The following LRSAM1 variants were observed in gnomAD, a reference collection of about 807,000 sequenced individuals.
LRSAM1 encodes the protein leucine rich repeat and sterile alpha motif containing 1, also known as E3 ubiquitin-protein ligase LRSAM1.
A neutral mutation model predicts 118.1 loss-of-function variants in LRSAM1; 96 were observed. The ratio of observed to expected loss-of-function variants is 0.81; its 90% CI spans 0.69 to 0.96. The LOEUF (loss-of-function observed/expected upper bound fraction) is 0.96, where lower values mean the gene tolerates loss of function less well. Ranked by LOEUF, LRSAM1 falls within the 40% of genes least tolerant of loss-of-function variation. The pLI, the probability that LRSAM1 is intolerant of heterozygous loss-of-function variation, is 0.00. For missense variants in LRSAM1, 804 were observed against 915.5 expected (o/e 0.88, Z 1.57); for synonymous variants, 322 against 364.2 (o/e 0.88, Z 1.32).
rs1305599242 is a variant in LRSAM1 at position 127,489,441 on chromosome 9, C to T, written c.1348-3C>T. 6.2e-7 allele frequency: 1 copy of T among 1,605,372 alleles called. No individual in the cohort carries two copies. Among genetic ancestry groups the T allele is most frequent in the African/African-American group, 1.3e-5 (1 of 74,882 alleles). On this transcript the variant is annotated splice_polypyrimidine_tract_variant and splice_region_variant and intron_variant, in intron 18 of 25. Coordinates refer to ENST00000300417, the MANE Select transcript of LRSAM1 (RefSeq NM_001005373.4). ...TGCTGAGGGCTGGTGGTCTGTGTTG[C>T]AGAGCGCGATGCAGAAGGCTGCGTT...
At chr9:127,489,550 C>G (rs756557269) in intron 19 of LRSAM1, 32 bp downstream of exon 19, 2 of 1,581,190 alleles carry the variant, frequency 1.3e-6, no homozygotes, top group Admixed American at 3.7e-5. Context: ...CCTGGACCTG[C>G]TCTCTCAGAG....
At chr9:127,481,805 C>T (rs1409082647) in intron 15 of LRSAM1, among the ~76,000 whole-genome samples, 2 of 151,934 alleles carry the variant, frequency 1.3e-5, no homozygotes, top group Non-Finnish European at 2.9e-5. Context: ...TCTGTAATCC[C>T]AGCACTTTGG....
At chr9:127,451,763 C>T (rs947063392) in intron 1 of LRSAM1, 94 bp downstream of exon 1, 4 of 186,910 alleles carry the variant, frequency 2.1e-5, no homozygotes, top group Non-Finnish European at 4.5e-5. Context: ...AGTACCGCGG[C>T]GACCCCTGCT....
At chr9:127,487,622 G>T in intron 17 of LRSAM1, 54 bp from the exon 18 acceptor site, 1 of 1,527,944 alleles carries the variant, frequency 6.5e-7, no homozygotes, top group South Asian at 1.1e-5. Context: ...CTGGCACATA[G>T]TAGGTGCTCG....
intron 24 of LRSAM1, among the ~76,000 whole-genome samples, chr9:127,499,385 A>AAATT (rs1281370384): frequency 1.3e-5 from 2 of 151,800 alleles, no homozygotes; most frequent in African/African-American, 4.8e-5. Context: ...CAAAACAAAA[A>AAATT]AATTAAAAAA....
intron 23 of LRSAM1, among the ~76,000 whole-genome samples, chr9:127,496,631 A>C (rs138447448): frequency 1.3e-5 from 2 of 152,298 alleles, no homozygotes; most frequent in East Asian, 3.9e-4. Context: ...ACATATCATT[A>C]TCATCATCTT....
chr9:127,502,993 GAGGCTCCC>G lies in LRSAM1; in HGVS notation c.*95_*102del. The G allele has an allele frequency of 6.6e-7, 1 of 1,510,164 alleles. No homozygotes were observed. The highest frequency in any genetic ancestry group is 8.9e-7 in the Non-Finnish European group (1 of 1,119,080). 93.5% of individuals were successfully genotyped at this position (1,510,164 alleles called of 1,614,324 possible). On this transcript the variant is annotated 3_prime_UTR_variant, in exon 26 of 26. Transcript: ENST00000300417. Reference sequence around the variant, plus strand: ...AGCCTTGTGCCAGCCAGACTCGTATGAGGCTCCCCCCTGCCCTGGGCCCCTTCCCCACT... The same window carrying G: ...AGCCTTGTGCCAGCCAGACTCGTATGCCCTGCCCTGGGCCCCTTCCCCACT...
chr9:127,466,504 A>ATATATATATATATAT (rs1554755061), intron 9 of LRSAM1, among the ~76,000 whole-genome samples: 8 of 24,530 alleles, frequency 3.3e-4, no homozygotes, highest in African/African-American at 4.6e-4. Context: ...ATATATATAT[A>ATATATATATATATAT]TTTTTTTTTT....
At chr9:127,473,728 A>C (rs1223275421) in intron 10 of LRSAM1, 73 bp from the exon 11 acceptor site, 7 of 1,608,780 alleles carry the variant, frequency 4.4e-6, no homozygotes, top group Non-Finnish European at 6.0e-6. Flanking sequence ...CTGCCCTGGC[A>C]GTGGGAGCGG....
chr9:127,501,195 C>T, intron 25 of LRSAM1, 52 bp downstream of exon 25: 1 of 1,599,794 alleles, frequency 6.3e-7, no homozygotes, highest in Non-Finnish European at 8.5e-7. Flanking sequence ...CCACCCTCCT[C>T]AAATTCTGCA....
intron 2 of LRSAM1, chr9:127,453,664 G>C (rs1834404756): frequency 6.6e-6 from 1 of 152,322 alleles, no homozygotes; most frequent in South Asian, 2.1e-4. Flanking sequence ...CCCTAGAACA[G>C]GAAAAGGATA....
At position 127,487,773 on chromosome 9, in the gene LRSAM1, C is replaced by T. The variant is rs772922921; in HGVS notation, c.1347+10C>T. The T allele has an allele frequency of 4.3e-6, 7 of 1,609,864 alleles. No homozygotes were observed. The highest frequency in any genetic ancestry group is 2.7e-5 in the African/African-American group (2 of 74,828). ...CCAGATCCTGCAGGAGGTGAGCCCT[C>T]GCCCAGAGCCTGAGGGTGGGAGCTC... is the stretch of plus-strand genomic sequence containing the variant. On this transcript the variant is annotated intron_variant, in intron 18 of 25. Coordinates refer to ENST00000300417, the MANE Select transcript of LRSAM1 (RefSeq NM_001005373.4).
chr9:127,453,294 C>G (rs927340491), intron 2 of LRSAM1, among the ~76,000 whole-genome samples: 11 of 152,170 alleles, frequency 7.2e-5, no homozygotes, highest in African/African-American at 2.7e-4. Flanking sequence ...GTTACCCAGG[C>G]TGGTCTCGAA....
At chr9:127,481,160 A>T in intron 14 of LRSAM1, 23 bp from the exon 15 acceptor site, 1 of 1,613,852 alleles carries the variant, frequency 6.2e-7, no homozygotes, top group Non-Finnish European at 8.5e-7. Context: ...GACTGCCAGG[A>T]CCTTTTATGA....
Position 127,461,271 on chromosome 9 carries a change from A to C in LRSAM1, c.406+14A>C, listed in dbSNP as rs1834732811. 6.2e-7 allele frequency: 1 copy of C among 1,608,018 alleles called. No individual in the cohort carries two copies. The highest frequency in any genetic ancestry group is 1.7e-5 in the Admixed American group (1 of 59,840). ...TCAATGTTAAAGGTAGGGACCAAGA[A>C]GCCGTGTCCGTGTGACCCTCCATCA... On this transcript the variant is annotated intron_variant, in intron 8 of 25. Coordinates refer to ENST00000300417, the MANE Select transcript of LRSAM1 (RefSeq NM_001005373.4).
chr9:127,477,407 G>A (rs1835380508), intron 11 of LRSAM1, among the ~76,000 whole-genome samples: 1 of 152,162 alleles, frequency 6.6e-6, no homozygotes, highest in Admixed American at 6.5e-5. Context: ...ATAATTCAGA[G>A]ACTGATCCTG....
chr9:127,492,088 T>C (rs1835954275), intron 20 of LRSAM1, among the ~76,000 whole-genome samples: 1 of 152,326 alleles, frequency 6.6e-6, no homozygotes, highest in South Asian at 2.1e-4. Context: ...GGGATCTGGA[T>C]CCCTGGTCTC....
intron 11 of LRSAM1, among the ~76,000 whole-genome samples, chr9:127,474,480 C>A (rs564092596): frequency 6.6e-6 from 1 of 152,200 alleles, no homozygotes; most frequent in South Asian, 2.1e-4. Flanking sequence ...AAGCTCCAGT[C>A]GAGGTCAGGT....
intron 24 of LRSAM1, among the ~76,000 whole-genome samples, chr9:127,497,575 C>T (rs2132117289): frequency 6.6e-6 from 1 of 152,352 alleles, no homozygotes; most frequent in South Asian, 2.1e-4. Context: ...TGGAGGGGCC[C>T]TCCCAGCTCC....
Sources: allele counts gnomAD v4.1 joint callset (sites outside exome capture counted in the v4.1 genomes callset), GRCh38; gene constraint gnomAD v4.1.1; transcripts MANE v1.5; gene names NCBI Gene and HGNC (gene_info 2026-07-23, HGNC 2026-07-21).